The following SLC49A4 variants were observed in gnomAD, a reference collection of about 807,000 sequenced individuals.
The protein encoded by SLC49A4 is solute carrier family 49 member 4.
Under a neutral mutation model 50.6 loss-of-function variants are expected in SLC49A4, and 36 were observed. The ratio of observed to expected loss-of-function variants is 0.71; its 90% confidence interval spans 0.55 to 0.94. The LOEUF (loss-of-function observed/expected upper bound fraction) is 0.94. Ranked by LOEUF, SLC49A4 falls within the 40% of genes least tolerant of loss-of-function variation. The pLI, the probability that SLC49A4 is intolerant of heterozygous loss-of-function variation, is 0.00. For missense variants in SLC49A4, 503 were observed against 605.7 expected (o/e 0.83, Z 1.78); for synonymous variants, 248 against 241.2 (o/e 1.03, Z -0.26).
At chr3:122,836,133 T>A (rs146837046) in intron 4 of SLC49A4, among the ~76,000 whole-genome samples, 258 of 152,344 alleles carry the variant, frequency 1.7e-3, no homozygotes, top group Non-Finnish European at 2.4e-3. Flanking sequence ...GCTGTGGGTT[T>A]GTCGTAGATA....
intron 5 of SLC49A4, among the ~76,000 whole-genome samples, chr3:122,852,720 G>A (rs1936941653): frequency 6.6e-6 from 1 of 152,014 alleles, no homozygotes; most frequent in Non-Finnish European, 1.5e-5. Context: ...AAAACCCGGG[G>A]TTTTTACAAA....
chr3:122,836,864 G>T (rs1936694702), intron 4 of SLC49A4, among the ~76,000 whole-genome samples: 1 of 152,166 alleles, frequency 6.6e-6, no homozygotes, highest in Non-Finnish European at 1.5e-5. Context: ...CTTCAGCAAA[G>T]TCTCAGGATA....
intron 3 of SLC49A4, among the ~76,000 whole-genome samples, chr3:122,828,137 A>G (rs17279514): frequency 0.05 from 7,679 of 152,342 alleles, 266 homozygotes; most frequent in Middle Eastern, 0.11. Flanking sequence ...TTGTTCACTT[A>G]TAAATTTCAC....
intron 1 of SLC49A4, among the ~76,000 whole-genome samples, chr3:122,796,485 A>G (rs1302941338): frequency 6.6e-6 from 1 of 152,186 alleles, no homozygotes; most frequent in Non-Finnish European, 1.5e-5. Flanking sequence ...TATTTCTCAC[A>G]GTTCTGGAGG....
At chr3:122,869,247 A>G (rs944558204) in intron 7 of SLC49A4, among the ~76,000 whole-genome samples, 5 of 152,182 alleles carry the variant, frequency 3.3e-5, no homozygotes, top group African/African-American at 9.7e-5. Context: ...TCCTCTCTAA[A>G]GGCAAATCTG....
chr3:122,825,855 A>G (rs1936518449), intron 2 of SLC49A4, among the ~76,000 whole-genome samples: 2 of 152,058 alleles, frequency 1.3e-5, no homozygotes, highest in Non-Finnish European at 2.9e-5. Flanking sequence ...GTGAATGTGT[A>G]TATTGGGGGT....
chr3:122,846,991 A>G (rs1242216776), intron 5 of SLC49A4, among the ~76,000 whole-genome samples: 1 of 152,196 alleles, frequency 6.6e-6, no homozygotes, highest in African/African-American at 2.4e-5. Flanking sequence ...AGAGAGTGGT[A>G]TGGGTTGAAA....
At chr3:122,837,438 C>T (rs1314232257) in intron 4 of SLC49A4, among the ~76,000 whole-genome samples, 3 of 152,046 alleles carry the variant, frequency 2.0e-5, no homozygotes, top group South Asian at 4.1e-4. Flanking sequence ...TTTGACAAAC[C>T]TGACAAAAAC....
intron 4 of SLC49A4, among the ~76,000 whole-genome samples, chr3:122,839,202 G>GA (rs1212372706): frequency 6.6e-6 from 1 of 152,118 alleles, no homozygotes; most frequent in Non-Finnish European, 1.5e-5. Context: ...GTAGAAGAAT[G>GA]AAACTGGATC....
At chr3:122,804,114 G>T (rs1162719600) in intron 1 of SLC49A4, among the ~76,000 whole-genome samples, 1 of 152,186 alleles carries the variant, frequency 6.6e-6, no homozygotes, top group Admixed American at 6.5e-5. Flanking sequence ...ACATGGTGCT[G>T]GCATTCACTC....
chr3:122,814,593 A>C (rs1233951577), intron 2 of SLC49A4, among the ~76,000 whole-genome samples: 8 of 152,182 alleles, frequency 5.3e-5, no homozygotes, highest in Admixed American at 2.0e-4. Flanking sequence ...GTACAGACTG[A>C]GCTGTGTAAC....
intron 1 of SLC49A4, among the ~76,000 whole-genome samples, chr3:122,800,962 A>G (rs1374732493): frequency 6.6e-6 from 1 of 152,204 alleles, no homozygotes; most frequent in Non-Finnish European, 1.5e-5. Flanking sequence ...TCAGTGACTG[A>G]TTATTAATTT....
chr3:122,875,450 A>G (rs1181859067), intron 8 of SLC49A4, among the ~76,000 whole-genome samples: 1 of 152,144 alleles, frequency 6.6e-6, no homozygotes, highest in Non-Finnish European at 1.5e-5. Flanking sequence ...TCCCAGCCTC[A>G]AGTGATCCTC....
chr3:122,839,227 T>G (rs1936734266), intron 4 of SLC49A4, among the ~76,000 whole-genome samples: 1 of 152,124 alleles, frequency 6.6e-6, no homozygotes, highest in African/African-American at 2.4e-5. Context: ...TCTCTCACCT[T>G]ATACAAAAAT....
intron 4 of SLC49A4, among the ~76,000 whole-genome samples, chr3:122,841,077 A>G (rs1176901623): frequency 3.3e-5 from 5 of 152,184 alleles, no homozygotes; most frequent in Admixed American, 2.6e-4. Flanking sequence ...ATTAGTTCAG[A>G]TCTGTTAAAA....
intron 3 of SLC49A4, among the ~76,000 whole-genome samples, chr3:122,832,832 G>C (rs994634729): frequency 1.3e-5 from 2 of 151,944 alleles, no homozygotes; most frequent in African/African-American, 4.8e-5. Context: ...ATTCAATTTT[G>C]TTTTTACTAG....
chr3:122,862,677 T>C (rs1224980565), intron 7 of SLC49A4, among the ~76,000 whole-genome samples: 2 of 152,214 alleles, frequency 1.3e-5, no homozygotes, highest in African/African-American at 4.8e-5. Flanking sequence ...TCTGTGGGAT[T>C]TTACAAGAAC....
intron 2 of SLC49A4, among the ~76,000 whole-genome samples, chr3:122,823,565 A>T (rs574908411): frequency 6.6e-6 from 1 of 152,234 alleles, no homozygotes; most frequent in Non-Finnish European, 1.5e-5. Context: ...CACAGTGCCT[A>T]CCCAACACAT....
intron 5 of SLC49A4, among the ~76,000 whole-genome samples, chr3:122,847,295 A>G (rs1423073865): frequency 6.6e-6 from 1 of 152,178 alleles, no homozygotes; most frequent in Non-Finnish European, 1.5e-5. Flanking sequence ...CATCTTAGAA[A>G]AGATAAAAGA....
Sources: gnomAD v4.1 joint callset for allele counts (sites outside exome capture counted in the v4.1 genomes callset) on GRCh38, gnomAD v4.1.1 for gene constraint, MANE v1.5 for transcripts, NCBI Gene and HGNC (gene_info 2026-07-23, HGNC 2026-07-21) for gene names.